Variants in MYO9A observed in about 807,000 individuals in gnomAD.
MYO9A encodes the protein myosin IXA.
MYO9A carries 103 observed loss-of-function variants against 293.3 expected under a neutral mutation model. That is an observed-to-expected ratio of 0.35 (90% confidence interval 0.30 to 0.41). MYO9A has a LOEUF of 0.41. Ranked by LOEUF, MYO9A falls within the 10% of genes least tolerant of loss-of-function variation. The pLI is 1.00. For missense variants in MYO9A, 2,685 were observed against 3,033.0 expected, an observed-to-expected ratio of 0.89 and a Z score of 2.69; for synonymous variants, 1,001 against 1,035.7, an observed-to-expected ratio of 0.97 and a Z score of 0.64.
At chr15:72,105,440 T>C (rs1189368544) in intron 1 of MYO9A, among the ~76,000 whole-genome samples, 1 of 151,598 alleles carries the variant, frequency 6.6e-6, no homozygotes, top group Non-Finnish European at 1.5e-5. Flanking sequence ...TTGCCCAAGC[T>C]GGTTTCAAAC....
chr15:71,994,710 A>C, intron 9 of MYO9A, 125 bp from the exon 10 acceptor site: 2 of 580,050 alleles, frequency 3.4e-6, no homozygotes, highest in South Asian at 3.3e-5. Flanking sequence ...TTTTTCTCTC[A>C]AAATAAAAAA....
chr15:71,958,415 T>C (rs981166210), intron 14 of MYO9A: 8 of 152,184 alleles, frequency 5.3e-5, no homozygotes, highest in Non-Finnish European at 1.5e-5. Context: ...GGGTGAATGC[T>C]GGCATTGACA....
chr15:72,087,267 T>C (rs2079767937), intron 1 of MYO9A, among the ~76,000 whole-genome samples: 1 of 152,164 alleles, frequency 6.6e-6, no homozygotes, highest in South Asian at 2.1e-4. Context: ...GGTCTGACTT[T>C]CTCTAGGGCT....
At chr15:72,058,265 T>C (rs1440069129) in intron 1 of MYO9A, among the ~76,000 whole-genome samples, 5 of 152,290 alleles carry the variant, frequency 3.3e-5, no homozygotes, top group Middle Eastern at 3.4e-3. Flanking sequence ...TCTAGAAAAT[T>C]GCACATAAAG....
intron 28 of MYO9A, among the ~76,000 whole-genome samples, chr15:71,883,097 C>A (rs1768123210): frequency 6.6e-6 from 1 of 152,112 alleles, no homozygotes; most frequent in Non-Finnish European, 1.5e-5. Context: ...AACCATCGTG[C>A]CTGGCCTAAT....
chr15:72,013,683 C>A (rs1329438223), intron 6 of MYO9A, among the ~76,000 whole-genome samples: 5 of 152,132 alleles, frequency 3.3e-5, no homozygotes, highest in Non-Finnish European at 5.9e-5. Flanking sequence ...CTAGGATAAA[C>A]CTAGCATGGA....
At chr15:71,894,378 A>G (rs1483648886) in intron 25 of MYO9A, among the ~76,000 whole-genome samples, 1 of 152,118 alleles carries the variant, frequency 6.6e-6, no homozygotes, top group African/African-American at 2.4e-5. Context: ...GGAGTTTGAG[A>G]CCAGCGTGGT....
intron 20 of MYO9A, 28 bp from the exon 21 acceptor site, chr15:71,904,067 C>A (rs2057559528): frequency 1.3e-6 from 2 of 1,526,490 alleles, no homozygotes; most frequent in South Asian, 2.3e-5. Context: ...AAGATTAACC[C>A]AGAACAGTAG....
intron 1 of MYO9A, among the ~76,000 whole-genome samples, chr15:72,084,377 G>A (rs1177964619): frequency 1.3e-5 from 2 of 152,084 alleles, no homozygotes; most frequent in Non-Finnish European, 2.9e-5. Flanking sequence ...TTGAGCCCAT[G>A]GGTGTCACTG....
intron 16 of MYO9A, among the ~76,000 whole-genome samples, chr15:71,936,426 T>C (rs183938963): frequency 3.9e-5 from 6 of 152,222 alleles, no homozygotes; most frequent in Admixed American, 2.0e-4. Context: ...GAAGTGATTA[T>C]AGTTAACAAT....
rs375138502 is a variant in MYO9A at position 71,897,544 on chromosome 15, G to A, written c.4959C>T (p.Tyr1653=). ...TGGAAAGGTCATCAGAATTGTGGCT[G>A]TAAGACTGAGTTGGCCTAAAGTGTT... ...KREHFRPTQS[Y]SHNSDDLSRE... Residue 1653 remains tyrosine, a synonymous_variant, in exon 25 of 42, where the codon TAC becomes TAT. Transcript: ENST00000356056. The A allele has an allele frequency of 6.2e-7, 1 of 1,614,022 alleles. No individual in the cohort carries two copies. The highest frequency in any genetic ancestry group is 1.3e-5 in the African/African-American group (1 of 74,922).
chr15:72,114,333 C>G (rs1365575193), intron 1 of MYO9A: 1 of 152,224 alleles, frequency 6.6e-6, no homozygotes, highest in Non-Finnish European at 1.5e-5. Context: ...AAGAAGACCA[C>G]TCAGCATTAC....
At chr15:72,079,824 A>C (rs1350581018) in intron 1 of MYO9A, among the ~76,000 whole-genome samples, 1 of 152,234 alleles carries the variant, frequency 6.6e-6, no homozygotes, top group Non-Finnish European at 1.5e-5. Context: ...AAAATGTTTT[A>C]TAAATCTTTA....
At chr15:71,917,614 G>A (rs1295306053) in intron 18 of MYO9A, among the ~76,000 whole-genome samples, 1 of 152,126 alleles carries the variant, frequency 6.6e-6, no homozygotes, top group Non-Finnish European at 1.5e-5. Flanking sequence ...AGGAAAATGG[G>A]AGTTAGACAT....
chr15:71,867,798 T>TCA (rs57300333), intron 32 of MYO9A, among the ~76,000 whole-genome samples: 1,402 of 127,592 alleles, frequency 0.011, 18 homozygotes, highest in East Asian at 0.036. Context: ...TGGGAATCCA[T>TCA]CACACACACA....
intron 32 of MYO9A, among the ~76,000 whole-genome samples, chr15:71,875,353 G>A (rs1027141849): frequency 9.2e-5 from 14 of 152,014 alleles, no homozygotes; most frequent in African/African-American, 2.7e-4. Flanking sequence ...GCATGTCAGC[G>A]TGAAAAAGTG....
intron 33 of MYO9A, among the ~76,000 whole-genome samples, chr15:71,860,269 A>C (rs536826891): frequency 3.9e-5 from 6 of 152,362 alleles, no homozygotes; most frequent in African/African-American, 1.4e-4. Context: ...TGGGTAGCAC[A>C]GTTTAAGATA....
chr15:71,978,320 A>G, intron 11 of MYO9A, 28 bp from the exon 12 acceptor site: 2 of 1,572,206 alleles, frequency 1.3e-6, no homozygotes, highest in South Asian at 1.2e-5. Context: ...TAAAATAACA[A>G]TTTATTCATC....
At chr15:71,938,682 T>C in intron 16 of MYO9A, 170 bp downstream of exon 16, 3 of 465,374 alleles carry the variant, frequency 6.4e-6, no homozygotes. Flanking sequence ...AGACAAATCT[T>C]GTTAACTTTA....
Sources: allele counts gnomAD v4.1 joint callset (sites outside exome capture counted in the v4.1 genomes callset), GRCh38; gene constraint gnomAD v4.1.1; transcripts MANE v1.5; gene names NCBI Gene and HGNC (gene_info 2026-07-23, HGNC 2026-07-21).